The following LHFPL3 variants were observed in gnomAD, a reference collection of about 807,000 sequenced individuals.
LHFPL3 encodes the protein LHFPL tetraspan subfamily member 3.
A neutral mutation model predicts 19.3 loss-of-function variants in LHFPL3; 5 were observed. That is an observed-to-expected ratio of 0.26 (90% CI 0.14 to 0.54). The LOEUF is 0.54. LHFPL3 is among the 20% of genes least tolerant of loss of function. LHFPL3 has a pLI of 0.94. For missense variants in LHFPL3, 249 were observed against 307.4 expected (o/e 0.81, Z 1.42); for synonymous variants, 133 against 126.2 (o/e 1.05, Z -0.36).
chr7:104,530,491 G>A (rs1045111704), intron 1 of LHFPL3, among the ~76,000 whole-genome samples: 4 of 152,326 alleles, frequency 2.6e-5, no homozygotes, highest in Middle Eastern at 3.4e-3. Context: ...AAAATTGAGC[G>A]TGACAAGTCA....
chr7:104,581,560 T>C (rs1215037645), intron 1 of LHFPL3, among the ~76,000 whole-genome samples: 1 of 152,086 alleles, frequency 6.6e-6, no homozygotes, highest in Non-Finnish European at 1.5e-5. Flanking sequence ...ACTGTGTCTG[T>C]TTAAGAAAAC....
At chr7:104,653,336 A>G (rs1792064319) in intron 1 of LHFPL3, among the ~76,000 whole-genome samples, 2 of 152,188 alleles carry the variant, frequency 1.3e-5, no homozygotes, top group Admixed American at 1.3e-4. Context: ...AACATCCGGG[A>G]GAGAAGACAG....
intron 1 of LHFPL3, among the ~76,000 whole-genome samples, chr7:104,691,429 C>A (rs774882540): frequency 7.9e-5 from 12 of 152,188 alleles, no homozygotes; most frequent in Non-Finnish European, 1.6e-4. Context: ...GCATGATATG[C>A]AGGCACAACC....
At chr7:104,699,896 G>A (rs1296244689) in intron 1 of LHFPL3, among the ~76,000 whole-genome samples, 4 of 152,156 alleles carry the variant, frequency 2.6e-5, no homozygotes, top group African/African-American at 9.7e-5. Flanking sequence ...AATCCGTTCT[G>A]TCAGGGATTG....
intron 2 of LHFPL3, among the ~76,000 whole-genome samples, chr7:104,745,893 A>G (rs1356914220): frequency 6.6e-6 from 1 of 152,216 alleles, no homozygotes; most frequent in Admixed American, 6.5e-5. Flanking sequence ...GGGGTGTAGT[A>G]ACTTAGGGGT....
chr7:104,538,062 G>A (rs753894713), intron 1 of LHFPL3, among the ~76,000 whole-genome samples: 1 of 152,180 alleles, frequency 6.6e-6, no homozygotes, highest in Non-Finnish European at 1.5e-5. Context: ...TTTCAGTTCA[G>A]TGGTAATTAG....
In LHFPL3 at chr7:104,660,402, T is replaced by C. The variant is rs76410656; in HGVS notation, c.446-76273T>C. ...CTCCAATTCCAGGCTGATATCTCTT[T>C]CTGATCAATCTTGGCTTGGAAAAAT... On this transcript the variant is annotated intron_variant, in intron 1 of 2. Transcript: ENST00000424859. Among the ~76,000 whole-genome samples the C allele has an allele frequency of 5.2e-3, 794 of 152,346 alleles. 45 individuals carry two copies. In the East Asian group the frequency reaches 0.11, roughly 22 times the overall value.
intron 1 of LHFPL3, among the ~76,000 whole-genome samples, chr7:104,358,547 A>G (rs916556214): frequency 6.6e-6 from 1 of 152,214 alleles, no homozygotes; most frequent in African/African-American, 2.4e-5. Context: ...TTCTACATGT[A>G]CAGCTTATAA....
intron 1 of LHFPL3, among the ~76,000 whole-genome samples, chr7:104,594,720 G>A (rs1033721500): frequency 2.0e-5 from 3 of 152,136 alleles, no homozygotes; most frequent in Non-Finnish European, 4.4e-5. Flanking sequence ...ATATTCCTTG[G>A]AGGCTTTGTT....
intron 2 of LHFPL3, chr7:104,895,636 CA>C (rs1483830318): frequency 6.6e-6 from 1 of 152,200 alleles, no homozygotes; most frequent in Non-Finnish European, 1.5e-5. Context: ...GCTTCATATA[CA>C]GAACCGGGAT....
At chr7:104,354,287 C>A (rs1052797274) in intron 1 of LHFPL3, among the ~76,000 whole-genome samples, 2 of 152,244 alleles carry the variant, frequency 1.3e-5, no homozygotes, top group Non-Finnish European at 2.9e-5. Context: ...CTGTCCATTG[C>A]CCTGGCAACA....
chr7:104,362,635 C>A (rs1352755546), intron 1 of LHFPL3, among the ~76,000 whole-genome samples: 1 of 152,096 alleles, frequency 6.6e-6, no homozygotes, highest in Non-Finnish European at 1.5e-5. Context: ...CAGATAGAGC[C>A]AATTTATCAA....
intron 2 of LHFPL3, among the ~76,000 whole-genome samples, chr7:104,780,994 A>G (rs1012098550): frequency 2.6e-4 from 39 of 151,476 alleles, no homozygotes; most frequent in African/African-American, 9.2e-4. Context: ...AACATCCTCA[A>G]CTCCTTTGCC....
At chr7:104,351,601 T>A (rs528576567) in intron 1 of LHFPL3, among the ~76,000 whole-genome samples, 3 of 152,232 alleles carry the variant, frequency 2.0e-5, no homozygotes, top group Non-Finnish European at 4.4e-5. Flanking sequence ...TAAATCATAG[T>A]TTAAAATTTT....
chr7:104,409,318 G>C (rs1014998187), intron 1 of LHFPL3, among the ~76,000 whole-genome samples: 28 of 145,074 alleles, frequency 1.9e-4, no homozygotes, highest in African/African-American at 7.1e-4. Flanking sequence ...GTGTGTGTGT[G>C]TGTGTGTGTG....
chr7:104,753,949 A>G (rs367751159), intron 2 of LHFPL3, among the ~76,000 whole-genome samples: 90 of 152,350 alleles, frequency 5.9e-4, no homozygotes, highest in African/African-American at 2.1e-3. Flanking sequence ...GGAGCAATTT[A>G]GTCCAACAGA....
chr7:104,742,780 C>T (rs1793959245), intron 2 of LHFPL3, among the ~76,000 whole-genome samples: 1 of 152,142 alleles, frequency 6.6e-6, no homozygotes, highest in Non-Finnish European at 1.5e-5. Context: ...GTAAATGCTC[C>T]TGCCTTCATA....
At chr7:104,822,796 A>G (rs1790700850) in intron 2 of LHFPL3, among the ~76,000 whole-genome samples, 1 of 152,128 alleles carries the variant, frequency 6.6e-6, no homozygotes, top group Non-Finnish European at 1.5e-5. Context: ...GAGAAAGGAC[A>G]TGGATTGGAG....
At chr7:104,381,800 G>A (rs1244644388) in intron 1 of LHFPL3, among the ~76,000 whole-genome samples, 1 of 152,078 alleles carries the variant, frequency 6.6e-6, no homozygotes, top group African/African-American at 2.4e-5. Flanking sequence ...AGTTGATTTT[G>A]ACTTTTAAAA....
Sources: allele counts gnomAD v4.1 joint callset (sites outside exome capture counted in the v4.1 genomes callset), GRCh38; gene constraint gnomAD v4.1.1; transcripts MANE v1.5; gene names NCBI Gene and HGNC (gene_info 2026-07-23, HGNC 2026-07-21).